ATP6V1A: variants seen among roughly 807,000 people sequenced by gnomAD.
ATP6V1A encodes V-type proton ATPase catalytic subunit A.
ATP6V1A carries 18 observed loss-of-function variants against 70.1 expected under a neutral mutation model. The ratio of observed to expected loss-of-function variants is 0.26; its 90% CI spans 0.18 to 0.38. The LOEUF (loss-of-function observed/expected upper bound fraction) is 0.38, where lower values mean the gene tolerates loss of function less well. Ranked by LOEUF, ATP6V1A falls within the 10% of genes least tolerant of loss-of-function variation. The pLI, the probability that ATP6V1A is intolerant of heterozygous loss-of-function variation, is 1.00. For synonymous variants in ATP6V1A, 232 were observed against 253.8 expected (o/e 0.91, Z 0.82); for missense variants, 424 against 772.4 (o/e 0.55, Z 5.35).
chr3:113,787,782 T>C (rs1442073080), intron 6 of ATP6V1A, among the ~76,000 whole-genome samples: 1 of 152,224 alleles, frequency 6.6e-6, no homozygotes, highest in Non-Finnish European at 1.5e-5. Context: ...GATATCATTA[T>C]TTTTGCACTG....
At chr3:113,793,128 T>G (rs1384777262) in intron 8 of ATP6V1A, among the ~76,000 whole-genome samples, 1 of 152,128 alleles carries the variant, frequency 6.6e-6, no homozygotes, top group Non-Finnish European at 1.5e-5. Flanking sequence ...GGTGCGATCT[T>G]GGCTCACTGC....
intron 1 of ATP6V1A, among the ~76,000 whole-genome samples, chr3:113,777,123 G>A (rs1321772083): frequency 1.3e-5 from 2 of 152,120 alleles, no homozygotes; most frequent in Non-Finnish European, 2.9e-5. Flanking sequence ...AGTTATTAAG[G>A]TAGATCAGCA....
At chr3:113,795,234 A>G in intron 10 of ATP6V1A, 30 bp downstream of exon 10, 1 of 1,600,536 alleles carries the variant, frequency 6.2e-7, no homozygotes, top group Non-Finnish European at 8.5e-7. Flanking sequence ...ACTTTGCAAA[A>G]GGAAAAAAGT....
intron 13 of ATP6V1A, among the ~76,000 whole-genome samples, chr3:113,804,560 T>A (rs1709254220): frequency 6.6e-6 from 1 of 152,116 alleles, no homozygotes; most frequent in Non-Finnish European, 1.5e-5. Flanking sequence ...TTTGGCCCCA[T>A]ATAAGACTGA....
chr3:113,750,316 TAAAAA>T (rs985500115), intron 1 of ATP6V1A, among the ~76,000 whole-genome samples: 1 of 152,020 alleles, frequency 6.6e-6, no homozygotes, highest in African/African-American at 2.4e-5. Flanking sequence ...TGTCTTTACT[TAAAAA>T]AATTAAAAAA....
At chr3:113,758,332 T>C (rs901385990) in intron 1 of ATP6V1A, among the ~76,000 whole-genome samples, 14 of 152,324 alleles carry the variant, frequency 9.2e-5, no homozygotes, top group African/African-American at 2.6e-4. Flanking sequence ...TTTTAATATA[T>C]GTATACACAC....
intron 3 of ATP6V1A, among the ~76,000 whole-genome samples, chr3:113,782,052 T>C (rs1201674605): frequency 6.6e-6 from 1 of 152,210 alleles, no homozygotes; most frequent in Non-Finnish European, 1.5e-5. Flanking sequence ...ACTTTTTTAG[T>C]GCTTCTATAT....
At chr3:113,793,251 TG>T (rs1302666384) in intron 8 of ATP6V1A, among the ~76,000 whole-genome samples, 5 of 151,958 alleles carry the variant, frequency 3.3e-5, no homozygotes, top group Non-Finnish European at 5.9e-5. Flanking sequence ...TTAGTAGAGA[TG>T]GGGTTTCACC....
chr3:113,784,382 G>A lies in ATP6V1A; in HGVS notation c.370G>A (p.Val124Met), dbSNP rs749209409. 16 of 1,614,132 alleles carry A rather than the reference G, an allele frequency of 9.9e-6. No homozygotes were observed. The highest frequency in any genetic ancestry group is 2.2e-5 in the South Asian group (2 of 91,082). ...CATCTACATCCCCAGAGGAGTAAAC[G>A]TGTCTGCTCTTAGCAGAGATATCAA... Reference protein sequence around the residue: ...QSIYIPRGVNVSALSRDIKWD... With the variant: ...QSIYIPRGVNMSALSRDIKWD... Residue 124 changes from valine to methionine, a missense_variant, in exon 4 of 15, where the codon GTG becomes ATG. Val to Met is a conservative substitution (Grantham distance 21). Transcript: ENST00000273398.
chr3:113,762,714 TG>T (rs1266583067), intron 1 of ATP6V1A, among the ~76,000 whole-genome samples: 3 of 152,296 alleles, frequency 2.0e-5, no homozygotes, highest in Admixed American at 1.3e-4. Context: ...ACTACGAACT[TG>T]GAATTGTAGA....
At chr3:113,778,191 T>G (rs1347690670) in intron 1 of ATP6V1A, among the ~76,000 whole-genome samples, 1 of 152,016 alleles carries the variant, frequency 6.6e-6, no homozygotes, top group Non-Finnish European at 1.5e-5. Flanking sequence ...GTCAGGAGTT[T>G]GAGACCAGCC....
intron 1 of ATP6V1A, among the ~76,000 whole-genome samples, chr3:113,753,441 C>G (rs1708611510): frequency 6.6e-6 from 1 of 152,106 alleles, no homozygotes; most frequent in African/African-American, 2.4e-5. Flanking sequence ...TCCATGTAAT[C>G]TTTTCCTTAG....
At chr3:113,792,597 A>G (rs1709108182) in intron 8 of ATP6V1A, among the ~76,000 whole-genome samples, 1 of 152,128 alleles carries the variant, frequency 6.6e-6, no homozygotes, top group South Asian at 2.1e-4. Flanking sequence ...TGGCCTCCCA[A>G]AGTCCTGGGA....
intron 8 of ATP6V1A, among the ~76,000 whole-genome samples, chr3:113,791,465 TTCTTC>T (rs1160072431): frequency 2.0e-5 from 3 of 152,028 alleles, no homozygotes; most frequent in South Asian, 4.1e-4. Flanking sequence ...CATCATTGTA[TTCTTC>T]TCTTCTGTCT....
intron 1 of ATP6V1A, among the ~76,000 whole-genome samples, chr3:113,777,261 T>TTTAA (rs1708924864): frequency 6.6e-6 from 1 of 152,236 alleles, no homozygotes; most frequent in Non-Finnish European, 1.5e-5. Flanking sequence ...CTATTCTGTG[T>TTTAA]GTTCCACTAA....
intron 12 of ATP6V1A, among the ~76,000 whole-genome samples, 185 bp downstream of exon 12, chr3:113,798,631 A>G (rs1044451157): frequency 5.3e-5 from 8 of 152,238 alleles, no homozygotes; most frequent in Non-Finnish European, 8.8e-5. Flanking sequence ...TATGTGAGAA[A>G]GAAACATTTG....
At chr3:113,775,481 C>G (rs183887028) in intron 1 of ATP6V1A, among the ~76,000 whole-genome samples, 3 of 152,210 alleles carry the variant, frequency 2.0e-5, no homozygotes, top group Admixed American at 2.0e-4. Flanking sequence ...TTGCCCACCT[C>G]GGCCCCCCCA....
intron 3 of ATP6V1A, among the ~76,000 whole-genome samples, chr3:113,782,536 C>T (rs1476502218): frequency 2.1e-5 from 3 of 145,054 alleles, no homozygotes; most frequent in Middle Eastern, 3.6e-3. Flanking sequence ...CTCTCTCTCT[C>T]TCTCTCTATA....
chr3:113,773,555 G>T (rs16861312), intron 1 of ATP6V1A, among the ~76,000 whole-genome samples: 50,288 of 151,972 alleles, frequency 0.33, 8,473 homozygotes, highest in East Asian at 0.36. Context: ...TTTGGTTTCC[G>T]CTAATCATTG....
Sources: allele counts gnomAD v4.1 joint callset (sites outside exome capture counted in the v4.1 genomes callset), GRCh38; gene constraint gnomAD v4.1.1; transcripts MANE v1.5; gene names NCBI Gene and HGNC (gene_info 2026-07-23, HGNC 2026-07-21).